PTPRD: variants seen among roughly 807,000 people sequenced by gnomAD.
PTPRD encodes protein tyrosine phosphatase receptor type D.
Under a neutral mutation model 214.5 loss-of-function variants are expected in PTPRD, and 34 were observed. The observed-to-expected ratio is 0.16, with a 90% CI of 0.12 to 0.21. PTPRD has a LOEUF of 0.21. Among genes scored for constraint, PTPRD ranks in the 10% least tolerant of loss-of-function variants. PTPRD has a pLI of 1.00. For missense variants in PTPRD, 2,545 were observed against 2,398.7 expected (o/e 1.06, Z -1.27); for synonymous variants, 1,128 against 845.7 (o/e 1.33, Z -5.79).
intron 21 of PTPRD, among the ~76,000 whole-genome samples, chr9:8,509,292 A>G (rs1173618714): frequency 6.6e-6 from 1 of 152,216 alleles, no homozygotes; most frequent in Non-Finnish European, 1.5e-5. Context: ...CAGGAGCAAT[A>G]ATGGAAACAA....
intron 7 of PTPRD, among the ~76,000 whole-genome samples, chr9:9,614,355 C>A (rs1280432848): frequency 6.6e-6 from 1 of 152,098 alleles, no homozygotes; most frequent in East Asian, 1.9e-4. Context: ...GCATCATGAT[C>A]AGCATAGTAA....
intron 3 of PTPRD, among the ~76,000 whole-genome samples, chr9:10,185,414 C>A (rs995226870): frequency 6.6e-6 from 1 of 152,148 alleles, no homozygotes; most frequent in Non-Finnish European, 1.5e-5. Flanking sequence ...TGTCACTACT[C>A]TTGAAGAAAA....
intron 11 of PTPRD, among the ~76,000 whole-genome samples, chr9:9,012,641 A>T (rs1407539615): frequency 2.6e-5 from 4 of 152,196 alleles, no homozygotes; most frequent in Non-Finnish European, 1.5e-5. Context: ...TGAGAACAAA[A>T]CAGACTTTGA....
chr9:10,430,701 T>G (rs1035563514), intron 2 of PTPRD, among the ~76,000 whole-genome samples: 4 of 151,922 alleles, frequency 2.6e-5, no homozygotes, highest in African/African-American at 9.7e-5. Flanking sequence ...TGAAATATAC[T>G]TATAGAAATC....
intron 8 of PTPRD, among the ~76,000 whole-genome samples, chr9:9,455,488 G>A (rs1221603941): frequency 6.6e-6 from 1 of 151,444 alleles, no homozygotes; most frequent in East Asian, 1.9e-4. Context: ...TTAAATAAGA[G>A]ATCTGTAATC....
chr9:9,612,880 T>C (rs1030937163), intron 7 of PTPRD, among the ~76,000 whole-genome samples: 8 of 152,014 alleles, frequency 5.3e-5, no homozygotes, highest in African/African-American at 9.7e-5. Context: ...TTTGTTTAAA[T>C]ATAGTTTTGA....
At chr9:10,394,155 T>C (rs1565754420) in intron 2 of PTPRD, among the ~76,000 whole-genome samples, 1 of 144,214 alleles carries the variant, frequency 6.9e-6, no homozygotes, top group African/African-American at 2.6e-5. Context: ...TATCTATATA[T>C]ATAGATATAT....
At chr9:9,007,797 TTTC>T (rs2099486043) in intron 11 of PTPRD, among the ~76,000 whole-genome samples, 1 of 147,646 alleles carries the variant, frequency 6.8e-6, no homozygotes, top group Non-Finnish European at 1.5e-5. Context: ...CAGTTGTTTC[TTTC>T]TTTTTTTTTT....
At chr9:9,954,741 C>G (rs1298115813) in intron 4 of PTPRD, among the ~76,000 whole-genome samples, 1 of 151,752 alleles carries the variant, frequency 6.6e-6, no homozygotes, top group Non-Finnish European at 1.5e-5. Flanking sequence ...TGTGTATATC[C>G]CAGCAATGTT....
intron 3 of PTPRD, among the ~76,000 whole-genome samples, chr9:10,308,698 G>T (rs539334860): frequency 6.6e-6 from 1 of 152,140 alleles, no homozygotes; most frequent in African/African-American, 2.4e-5. Context: ...ATTATCATGG[G>T]ATGTCTTTTC....
intron 11 of PTPRD, among the ~76,000 whole-genome samples, chr9:8,870,809 G>T (rs1380923854): frequency 4.6e-5 from 7 of 151,696 alleles, no homozygotes; most frequent in Non-Finnish European, 8.8e-5. Context: ...GGAACCCTCA[G>T]ATCACCTGAC....
intron 14 of PTPRD, among the ~76,000 whole-genome samples, chr9:8,595,414 T>C (rs1334578971): frequency 6.6e-6 from 1 of 152,176 alleles, no homozygotes; most frequent in African/African-American, 2.4e-5. Context: ...TTAAATGCCA[T>C]ACAGGGGCAT....
chr9:10,125,095 G>T (rs1183940166), intron 3 of PTPRD, among the ~76,000 whole-genome samples: 1 of 152,160 alleles, frequency 6.6e-6, no homozygotes, highest in Non-Finnish European at 1.5e-5. Context: ...TGTATTTAGG[G>T]TCCCATTTGA....
chr9:8,598,920 C>G (rs1382009340), intron 14 of PTPRD, among the ~76,000 whole-genome samples: 1 of 152,130 alleles, frequency 6.6e-6, no homozygotes, highest in African/African-American at 2.4e-5. Flanking sequence ...TGCTCCTTTG[C>G]TGGAAAAGGA....
chr9:9,005,343 A>C (rs1441478058), intron 11 of PTPRD, among the ~76,000 whole-genome samples: 2 of 152,096 alleles, frequency 1.3e-5, no homozygotes, highest in Non-Finnish European at 2.9e-5. Context: ...TGAAAACAAG[A>C]AATAGCATGT....
chr9:9,483,597 C>T (rs1376818013), intron 8 of PTPRD, among the ~76,000 whole-genome samples: 1 of 151,970 alleles, frequency 6.6e-6, no homozygotes, highest in African/African-American at 2.4e-5. Flanking sequence ...GAGAGAAAAA[C>T]ATCACATTTT....
chr9:10,068,871 C>A (rs1036781275), intron 3 of PTPRD, among the ~76,000 whole-genome samples: 1 of 151,838 alleles, frequency 6.6e-6, no homozygotes, highest in African/African-American at 2.4e-5. Flanking sequence ...TTAAATGCAC[C>A]CTACATATCC....
intron 4 of PTPRD, among the ~76,000 whole-genome samples, chr9:10,018,244 AG>A (rs1401522921): frequency 6.6e-6 from 1 of 151,968 alleles, no homozygotes; most frequent in Admixed American, 6.6e-5. Context: ...AGAAAAGGAA[AG>A]GAAAAAAAAA....
intron 11 of PTPRD, among the ~76,000 whole-genome samples, chr9:8,863,813 A>G (rs1482678475): frequency 1.3e-5 from 2 of 152,164 alleles, no homozygotes; most frequent in Non-Finnish European, 2.9e-5. Flanking sequence ...TAAAGTTTTA[A>G]CTTTCATGGG....
Sources: gnomAD v4.1 joint callset for allele counts (sites outside exome capture counted in the v4.1 genomes callset) on GRCh38, gnomAD v4.1.1 for gene constraint, MANE v1.5 for transcripts, NCBI Gene and HGNC (gene_info 2026-07-23, HGNC 2026-07-21) for gene names.